The following CPAMD8 variants were observed in gnomAD, a reference collection of about 807,000 sequenced individuals.
The protein encoded by CPAMD8 is C3 and PZP-like alpha-2-macroglobulin domain-containing protein 8.
Under a neutral mutation model 224.7 loss-of-function variants are expected in CPAMD8, and 146 were observed. That is an observed-to-expected ratio of 0.65 (90% confidence interval 0.57 to 0.75). The LOEUF is 0.75. Ranked by LOEUF, CPAMD8 falls within the 30% of genes least tolerant of loss-of-function variation. CPAMD8 has a pLI of 0.00. For synonymous variants in CPAMD8, 966 were observed against 1,044.6 expected, an observed-to-expected ratio of 0.92 and a Z score of 1.45; for missense variants, 2,301 against 2,537.5, an observed-to-expected ratio of 0.91 and a Z score of 2.00.
At chr19:17,022,841 AAATAC>A (rs2056993926) in intron 1 of CPAMD8, among the ~76,000 whole-genome samples, 1 of 151,940 alleles carries the variant, frequency 6.6e-6, no homozygotes, top group Non-Finnish European at 1.5e-5. Flanking sequence ...CCACTGTCTG[AAATAC>A]TCTCCTCCAC....
rs1410072964 is a variant in CPAMD8 at position 16,945,595 on chromosome 19, C to T, written c.2747G>A (p.Arg916Lys). 6.2e-7 allele frequency: 1 copy of T among 1,614,210 alleles called. No individual in the cohort carries two copies. Among genetic ancestry groups the T allele is most frequent in the South Asian group, 1.1e-5 (1 of 91,084 alleles). Residue 916 changes from arginine (R) to lysine (K), a missense_variant, in exon 22 of 42, where the codon AGG becomes AAG. Physicochemically the swap from Arg to Lys is conservative, Grantham distance 26 (BLOSUM62 2). Around this residue, in one of 4 missense-constraint regions of CPAMD8, gnomAD observed 1,709 missense variants for 1,753.2 expected, o/e 0.97. Transcript: ENST00000443236. ...KHPEENHADR[R>K]VPIGVDHVRR... is the part of the protein sequence containing the mutation. ...GACGTGATCCACCCCGATGGGGACC[C>T]TCCTGTCGGCGTGATTCTCCTCAGG...
At position 16,899,667 on chromosome 19, in the gene CPAMD8, G is replaced by C; in HGVS notation, c.4774-118C>G. 1.5e-6 allele frequency: 1 copy of C among 669,858 alleles called. No individual in the cohort carries two copies. The highest frequency in any genetic ancestry group is 1.5e-5 in the South Asian group (1 of 64,762). The allele number at this position is 669,858 out of a possible 1,614,324, so 41.5% of individuals were successfully genotyped here. ...TGCCCACAAGTTACCATGGGCTGGG[G>C]TCTGGGTGCTGGTCAGTGCTCCCCA... On this transcript the variant is annotated intron_variant, in intron 36 of 41. Coordinates refer to ENST00000443236, the MANE Select transcript of CPAMD8 (RefSeq NM_015692.5). This position sits in a 1 kb window ranked among gnomAD's most constrained non-coding sequence, Gnocchi z 5.4.
chr19:17,011,034 A>AC (rs2056630937), intron 5 of CPAMD8, among the ~76,000 whole-genome samples: 4 of 149,752 alleles, frequency 2.7e-5, no homozygotes, highest in African/African-American at 1.0e-4. Context: ...AAAAAAAAAC[A>AC]GAAAAAAAAA....
intron 16 of CPAMD8, among the ~76,000 whole-genome samples, chr19:16,975,639 T>C (rs1275587171): frequency 2.0e-5 from 3 of 151,962 alleles, no homozygotes. Flanking sequence ...GCCCAGGAGG[T>C]GTTCGCTACA....
intron 3 of CPAMD8, among the ~76,000 whole-genome samples, chr19:17,015,317 G>A (rs1358359582): frequency 6.6e-6 from 1 of 152,196 alleles, no homozygotes; most frequent in Non-Finnish European, 1.5e-5. Context: ...GGACCCCTAT[G>A]TCAGCATCTA....
At chr19:16,942,128 TA>T (rs1288038807) in intron 22 of CPAMD8, among the ~76,000 whole-genome samples, 2 of 152,106 alleles carry the variant, frequency 1.3e-5, no homozygotes, top group Non-Finnish European at 2.9e-5. Context: ...CTGTACAGCC[TA>T]CAGAGCTGTG....
chr19:16,967,950 T>C (rs750169755), intron 18 of CPAMD8, among the ~76,000 whole-genome samples: 7 of 62,604 alleles, frequency 1.1e-4, no homozygotes, highest in Non-Finnish European at 1.7e-4. Flanking sequence ...TACATGTTGC[T>C]CTCAGAATAA....
chr19:16,946,875 A>G (rs2054119436), intron 21 of CPAMD8, among the ~76,000 whole-genome samples, 199 bp downstream of exon 21: 1 of 152,124 alleles, frequency 6.6e-6, no homozygotes, highest in Non-Finnish European at 1.5e-5. Flanking sequence ...CCAACAGGTG[A>G]GACCCCAGGG....
intron 32 of CPAMD8, 47 bp from the exon 33 acceptor site, chr19:16,903,904 C>A (rs1477508969): frequency 6.3e-7 from 1 of 1,580,022 alleles, no homozygotes; most frequent in Non-Finnish European, 8.6e-7. Context: ...ACTGAGTTGG[C>A]CAGTGGTCCC....
chr19:16,917,397 T>A (rs35195242), intron 27 of CPAMD8, among the ~76,000 whole-genome samples: 1,908 of 152,222 alleles, frequency 0.013, 26 homozygotes, highest in Middle Eastern at 0.051. Flanking sequence ...TGTAGAGGTG[T>A]ATGGGAACTC....
chr19:16,909,878 A>G (rs773853), intron 29 of CPAMD8, among the ~76,000 whole-genome samples: 99,499 of 152,022 alleles, frequency 0.65, 32,967 homozygotes, highest in African/African-American at 0.73. Context: ...TTTTAAAACA[A>G]TCTCATACTG....
intron 30 of CPAMD8, among the ~76,000 whole-genome samples, chr19:16,906,733 G>A (rs1162939491): frequency 6.6e-6 from 1 of 151,708 alleles, no homozygotes; most frequent in African/African-American, 2.4e-5. Flanking sequence ...TTTTTGAGAC[G>A]GAGTCTTGCT....
In CPAMD8 at chr19:16,996,442, A is replaced by T. The variant is rs1371784776; in HGVS notation, c.1095+669T>A. Among the ~76,000 whole-genome samples, 5 of 152,338 alleles carry T rather than the reference A, an allele frequency of 3.3e-5. No individual in the cohort carries two copies. In the East Asian group the frequency reaches 7.7e-4, roughly 24 times the overall value. On this transcript the variant is annotated intron_variant, in intron 11 of 41. Transcript: ENST00000443236. ...GAGGCAGAGGCTCGTTCAAAATGTC[A>T]CATGGGTCTGCACCTGTCAGTCTCA... is the stretch of plus-strand genomic sequence containing the variant.
chr19:16,894,363 A>G (rs1479592541), intron 41 of CPAMD8: 2 of 456,060 alleles, frequency 4.4e-6, no homozygotes, highest in African/African-American at 2.0e-5. Context: ...TCACAGGCTG[A>G]TAGGGACAGG....
At position 16,896,166 on chromosome 19, in the gene CPAMD8, C is replaced by A. The variant is rs375892001; in HGVS notation, c.5426+10G>T. The A allele has an allele frequency of 1.4e-5, 22 of 1,613,566 alleles. No individual in the cohort carries two copies. The South Asian group carries it at 1.6e-4, about 12-fold the overall frequency. On this transcript the variant is annotated intron_variant, in intron 41 of 41. Coordinates refer to ENST00000443236, the MANE Select transcript of CPAMD8 (RefSeq NM_015692.5). ...ATGTCTCTTATCTCTGGGGTGGGCC[C>A]AGCTGTTACCTGTCCTCCGCCTCCC...
At chr19:16,992,415 C>T (rs1310706038) in intron 12 of CPAMD8, among the ~76,000 whole-genome samples, 1 of 151,758 alleles carries the variant, frequency 6.6e-6, no homozygotes, top group African/African-American at 2.4e-5. Flanking sequence ...CATAGCAAGA[C>T]CCCATCTCTA....
chr19:16,961,756 T>C (rs1399140382), intron 18 of CPAMD8, among the ~76,000 whole-genome samples: 1 of 152,142 alleles, frequency 6.6e-6, no homozygotes, highest in Admixed American at 6.5e-5. Flanking sequence ...GGGAGACACC[T>C]CCCAGGAGGG....
chr19:16,920,210 T>C (rs1338324909), intron 27 of CPAMD8, among the ~76,000 whole-genome samples: 2 of 152,210 alleles, frequency 1.3e-5, no homozygotes, highest in East Asian at 1.9e-4. Context: ...CCATGCGCGG[T>C]GGCTCACGCC....
intron 22 of CPAMD8, among the ~76,000 whole-genome samples, chr19:16,939,912 TTTTG>T (rs1343857955): frequency 1.3e-5 from 2 of 151,812 alleles, no homozygotes; most frequent in Non-Finnish European, 2.9e-5. Context: ...TTTTTTTTGT[TTTTG>T]TTTTTGTTTT....
Sources: gnomAD v4.1 joint callset for allele counts (sites outside exome capture counted in the v4.1 genomes callset) on GRCh38, gnomAD v4.1.1 for gene constraint, gnomAD v4.1.1 regional missense constraint, Gnocchi (gnomAD v3.1) non-coding constraint, MANE v1.5 for transcripts, NCBI Gene and HGNC (gene_info 2026-07-23, HGNC 2026-07-21) for gene names.